The following NRG2 variants were observed in gnomAD, a reference collection of about 807,000 sequenced individuals.
NRG2 encodes pro-neuregulin-2, membrane-bound isoform.
In NRG2, 27 loss-of-function variants were observed where a neutral mutation model predicts 73.9. The observed-to-expected ratio is 0.37, with a 90% CI of 0.27 to 0.50. The LOEUF (loss-of-function observed/expected upper bound fraction) is 0.50. Ranked by LOEUF, NRG2 falls within the 20% of genes least tolerant of loss-of-function variation. NRG2 has a pLI of 0.96. For missense variants in NRG2, 1,126 were observed against 1,210.1 expected, an observed-to-expected ratio of 0.93 and a Z score of 1.03; for synonymous variants, 532 against 541.0, an observed-to-expected ratio of 0.98 and a Z score of 0.23.
intron 3 of NRG2, among the ~76,000 whole-genome samples, chr5:139,872,562 C>A (rs1762932761): frequency 6.6e-6 from 1 of 152,130 alleles, no homozygotes; most frequent in Non-Finnish European, 1.5e-5. Flanking sequence ...GCTGTTGCCC[C>A]TAGAGGGAGC....
chr5:139,884,658 A>C (rs762263703), intron 2 of NRG2, among the ~76,000 whole-genome samples: 4 of 152,240 alleles, frequency 2.6e-5, no homozygotes, highest in Admixed American at 1.3e-4. Context: ...GAAGAAAAGG[A>C]CAAGGTGTCT....
At chr5:139,979,005 G>A (rs974276857) in intron 1 of NRG2, among the ~76,000 whole-genome samples, 7 of 147,450 alleles carry the variant, frequency 4.7e-5, no homozygotes, top group South Asian at 2.1e-4. Flanking sequence ...CAAACACCGC[G>A]TGTTCTCACT....
At chr5:140,004,275 G>A (rs1183322115) in intron 1 of NRG2, among the ~76,000 whole-genome samples, 1 of 152,208 alleles carries the variant, frequency 6.6e-6, no homozygotes, top group African/African-American at 2.4e-5. Context: ...ATTAATCAAT[G>A]TAGAAGGTAC....
rs796754451 is a variant in NRG2, at chr5:139,867,479, T to C, written c.1113-1854A>G. ...TGTCAACACATCCTTCTCTGATCCC[T>C]GGCCCTCGTCCCTATTCATCCCAGC... On this transcript the variant is annotated intron_variant, in intron 4 of 9. Coordinates refer to ENST00000361474, the MANE Select transcript of NRG2 (RefSeq NM_004883.3). Among the ~76,000 whole-genome samples the C allele has an allele frequency of 1.1e-3, 164 of 152,310 alleles. 1 individual carries two copies. Among genetic ancestry groups the C allele is most frequent in the African/African-American group, 3.8e-3 (160 of 41,566 alleles).
chr5:139,852,545 G>C lies in NRG2; in HGVS notation c.1431C>G (p.Asn477Lys). Reference protein sequence around the residue: ...EIQMADYISKNVPATDHVIRR... With the variant: ...EIQMADYISKKVPATDHVIRR... ...TGATGACATGGTCTGTGGCTGGCAC[G>C]TTCTTGGAAATATACTGGAACAGAC... The change falls in exon 8 of 10, where the codon AAC (asparagine) becomes AAG (lysine). Residue 477 changes from asparagine to lysine, a missense_variant. By Grantham distance (94) the Asn-to-Lys change is moderately conservative. This residue lies in a region of NRG2 where 539 missense variants were observed against 703.2 expected (regional missense o/e 0.77). Coordinates refer to ENST00000361474, the MANE Select transcript of NRG2 (RefSeq NM_004883.3). This position sits in a 1 kb window ranked among gnomAD's most constrained non-coding sequence, Gnocchi z 4.4. 6.2e-7 allele frequency: 1 copy of C among 1,613,898 alleles called. No homozygotes were observed. Among genetic ancestry groups the C allele is most frequent in the Non-Finnish European group, 8.5e-7 (1 of 1,179,906 alleles).
At chr5:140,015,379 T>C (rs769971514) in intron 1 of NRG2, among the ~76,000 whole-genome samples, 3 of 152,156 alleles carry the variant, frequency 2.0e-5, no homozygotes, top group African/African-American at 7.2e-5. Flanking sequence ...ACATGATAGA[T>C]GCCTACAAAA....
At position 139,988,905 on chromosome 5, in the gene NRG2, C is replaced by G. The variant is rs544610588; in HGVS notation, c.700+53465G>C. ...AGGGCAGAGGCCATATGGGAAATCT[C>G]TGTACCTTCCTTTCAATTTGACTGT... On this transcript the variant is annotated intron_variant, in intron 1 of 9. Transcript: ENST00000361474. Among the ~76,000 whole-genome samples the G allele has an allele frequency of 5.3e-5, 8 of 152,092 alleles. No individual in the cohort carries two copies. The South Asian group carries it at 1.5e-3, about 28-fold the overall frequency.
chr5:139,937,871 A>T (rs1290507797), intron 1 of NRG2, among the ~76,000 whole-genome samples: 1 of 152,206 alleles, frequency 6.6e-6, no homozygotes, highest in Non-Finnish European at 1.5e-5. Flanking sequence ...TATATTTTTT[A>T]AAAACTCTTA....
rs562634714 is a variant in NRG2 at position 139,853,407 on chromosome 5, C to G, written c.1293-380G>C. ...CAAGCACAGTGCTGACTCCCTCTCT[C>G]TCTCCCTCATTCATTAATTTGGTAT... is the stretch of plus-strand genomic sequence containing the variant. On this transcript the variant is annotated intron_variant, in intron 6 of 9. Coordinates refer to ENST00000361474, the MANE Select transcript of NRG2 (RefSeq NM_004883.3). The surrounding 1 kb of genome is among the most constrained non-coding windows in gnomAD (Gnocchi z 4.1). Among the ~76,000 whole-genome samples, 90 of 152,156 alleles carry G rather than the reference C, an allele frequency of 5.9e-4. No individual in the cohort carries two copies. The highest frequency in any genetic ancestry group is 2.1e-3 in the African/African-American group (87 of 41,460).
intron 1 of NRG2, among the ~76,000 whole-genome samples, chr5:140,005,647 G>C (rs1367122103): frequency 6.6e-6 from 1 of 152,212 alleles, no homozygotes; most frequent in Admixed American, 6.5e-5. Flanking sequence ...TCAAAATCAT[G>C]TCCAGAACTG....
rs1762716633 is a variant in NRG2 at position 139,869,808 on chromosome 5, G to A, written c.1112+1913C>T. 1.3e-5 allele frequency: 2 copies of A among 152,422 alleles called. No homozygotes were observed. Among genetic ancestry groups the A allele is most frequent in the Non-Finnish European group, 2.9e-5 (2 of 68,198 alleles). The allele number at this position is 152,422 out of a possible 1,614,324, so 9.4% of individuals were successfully genotyped here. ...AGATTTAGCTGGGCAGGACTCAGAG[G>A]TCCTAGGGGTGCAACCTTGCTGGCA... On this transcript the variant is annotated intron_variant, in intron 4 of 9. Coordinates refer to ENST00000361474, the MANE Select transcript of NRG2 (RefSeq NM_004883.3). The surrounding 1 kb of genome is among the most constrained non-coding windows in gnomAD (Gnocchi z 4.5).
chr5:139,999,517 C>T (rs796398129), intron 1 of NRG2, among the ~76,000 whole-genome samples: 2 of 152,310 alleles, frequency 1.3e-5, no homozygotes, highest in African/African-American at 4.8e-5. Flanking sequence ...CTGCATTGCC[C>T]TATCCAGCAA....
rs765915567 is a variant in NRG2 at position 139,880,857 on chromosome 5, G to A, written c.990C>T (p.Ser330=). 102 of 1,612,990 alleles carry A rather than the reference G, an allele frequency of 6.3e-5. No homozygotes were observed. Among genetic ancestry groups the A allele is most frequent in the Non-Finnish European group, 7.7e-5 (91 of 1,179,194 alleles). Reference sequence around the variant, plus strand: ...TTCCCTCTGTCTGGGCCCACCTACCGCTGTTGACGTAAAGCCGGCCCCGGA... The same window carrying A: ...TTCCCTCTGTCTGGGCCCACCTACCACTGTTGACGTAAAGCCGGCCCCGGA... ...DTVRGRLYVN[S]VSTTLSSWSG... is the part of the protein sequence containing the mutation. The change falls in exon 3 of 10, where the codon AGC becomes AGT. Residue 330 remains serine (S), a splice_region_variant and synonymous_variant. Coordinates refer to ENST00000361474, the MANE Select transcript of NRG2 (RefSeq NM_004883.3).
intron 1 of NRG2, among the ~76,000 whole-genome samples, chr5:139,966,729 T>C (rs1388611368): frequency 2.0e-5 from 3 of 151,824 alleles, no homozygotes; most frequent in Admixed American, 6.6e-5. Flanking sequence ...GAGTTGGAAA[T>C]GCAAGCAGGA....
At chr5:139,921,521 C>A (rs1379032945) in intron 1 of NRG2, among the ~76,000 whole-genome samples, 1 of 152,066 alleles carries the variant, frequency 6.6e-6, no homozygotes, top group African/African-American at 2.4e-5. Flanking sequence ...CCCAGCGGTG[C>A]TGGAATACTA....
At position 139,904,361 on chromosome 5, in the gene NRG2, T is replaced by TGCCGCG. The variant is rs1241412048; in HGVS notation, c.701-16856_701-16851dup. On this transcript the variant is annotated intron_variant, in intron 1 of 9. Coordinates refer to ENST00000361474, the MANE Select transcript of NRG2 (RefSeq NM_004883.3). This position sits in a 1 kb window ranked among gnomAD's most constrained non-coding sequence, Gnocchi z 6.0. The stretch of plus-strand genomic sequence containing the variant: ...CGCTTCCTCCCCTCTGGGTGCTTCT[T>TGCCGCG]GCCGCGGCCGCGGCCCCTCCTCCTG... The TGCCGCG allele has an allele frequency of 8.8e-6, 14 of 1,589,130 alleles. No homozygotes were observed. Among genetic ancestry groups the TGCCGCG allele is most frequent in the African/African-American group, 5.4e-5 (4 of 73,776 alleles).
intron 1 of NRG2, among the ~76,000 whole-genome samples, chr5:139,980,728 GT>G (rs1756734430): frequency 6.6e-6 from 1 of 152,216 alleles, no homozygotes; most frequent in Admixed American, 6.5e-5. Context: ...TCTACAATCA[GT>G]TGGCTTCAAT....
Position 139,870,883 on chromosome 5 carries a change from C to T in NRG2, c.1112+838G>A, listed in dbSNP as rs982975729. Among the ~76,000 whole-genome samples, 3 of 152,224 alleles carry T rather than the reference C, an allele frequency of 2.0e-5. No individual in the cohort carries two copies. Among genetic ancestry groups the T allele is most frequent in the Admixed American group, 6.5e-5 (1 of 15,290 alleles). On this transcript the variant is annotated intron_variant, in intron 4 of 9. Transcript: ENST00000361474. This position sits in a 1 kb window ranked among gnomAD's most constrained non-coding sequence, Gnocchi z 4.4. ...GAGCCCTCCCTGACAGCCTCTCTCC[C>T]ACCTGCCTTGTTTGCTATGGGGAGT...
rs1408802618 is a variant in NRG2, at chr5:139,870,373, AG to A, written c.1112+1347del. The stretch of plus-strand genomic sequence containing the variant: ...CAGCAGGGGCAGGGTGGGGCCAGGG[AG>A]GAAGCCAGCTGAGGAGGCCAGCCGG... On this transcript the variant is annotated intron_variant, in intron 4 of 9. Coordinates refer to ENST00000361474, the MANE Select transcript of NRG2 (RefSeq NM_004883.3). This position sits in a 1 kb window ranked among gnomAD's most constrained non-coding sequence, Gnocchi z 4.4. 2.6e-5 allele frequency among the ~76,000 whole-genome samples: 4 copies of A among 152,118 alleles called. No homozygotes were observed. Among genetic ancestry groups the A allele is most frequent in the African/African-American group, 9.7e-5 (4 of 41,402 alleles).
Sources: gnomAD v4.1 joint callset for allele counts (sites outside exome capture counted in the v4.1 genomes callset) on GRCh38, gnomAD v4.1.1 for gene constraint, gnomAD v4.1.1 regional missense constraint, Gnocchi (gnomAD v3.1) non-coding constraint, MANE v1.5 for transcripts, NCBI Gene and HGNC (gene_info 2026-07-23, HGNC 2026-07-21) for gene names.